The following ZBTB43 variants were observed in gnomAD, a reference collection of about 807,000 sequenced individuals.
ZBTB43 encodes the protein zinc finger and BTB domain-containing protein 43.
In ZBTB43, 6 loss-of-function variants were observed where a neutral mutation model predicts 31.1. The ratio of observed to expected loss-of-function variants is 0.19; its 90% CI spans 0.11 to 0.38. The LOEUF (loss-of-function observed/expected upper bound fraction) is 0.38, where lower values mean the gene tolerates loss of function less well. Ranked by LOEUF, ZBTB43 falls within the 10% of genes least tolerant of loss-of-function variation. The pLI is 1.00. For missense variants in ZBTB43, 379 were observed against 602.1 expected (o/e 0.63, Z 3.88); for synonymous variants, 212 against 221.7 (o/e 0.96, Z 0.39).
chr9:126,815,763 T>C lies in ZBTB43; in HGVS notation c.-24+6848T>C, dbSNP rs941242630. ...TAGAATTGTTTACCAGTTGTATAAA[T>C]CTTCTGTCATTTCTGGATCTGTTTC... On this transcript the variant is annotated intron_variant, in intron 2 of 2. Transcript: ENST00000373464. Among the ~76,000 whole-genome samples, 3 of 152,072 alleles carry C rather than the reference T, an allele frequency of 2.0e-5. No homozygotes were observed. In the South Asian group the frequency reaches 6.2e-4, roughly 32 times the overall value.
At chr9:126,820,322 T>C (rs2032482175) in intron 2 of ZBTB43, among the ~76,000 whole-genome samples, 1 of 152,172 alleles carries the variant, frequency 6.6e-6, no homozygotes, top group Non-Finnish European at 1.5e-5. Context: ...CTAATGCAGC[T>C]GGTAACTTTA....
At chr9:126,816,166 G>A (rs868417184) in intron 2 of ZBTB43, among the ~76,000 whole-genome samples, 3 of 152,092 alleles carry the variant, frequency 2.0e-5, no homozygotes, top group Middle Eastern at 6.8e-3. Context: ...GGACATTAAC[G>A]GGCTGTACAT....
chr9:126,818,435 G>A (rs1376679209), intron 2 of ZBTB43, among the ~76,000 whole-genome samples: 2 of 152,082 alleles, frequency 1.3e-5, no homozygotes, highest in East Asian at 1.9e-4. Flanking sequence ...TGTAGAGACA[G>A]GGTTTTACCA....
chr9:126,823,505 T>G (rs938658176), intron 2 of ZBTB43, among the ~76,000 whole-genome samples: 4 of 152,204 alleles, frequency 2.6e-5, no homozygotes, highest in African/African-American at 9.6e-5. Flanking sequence ...ATATCTAAAG[T>G]GAGTCTCATG....
At chr9:126,813,174 T>G (rs930347587) in intron 2 of ZBTB43, among the ~76,000 whole-genome samples, 1 of 152,016 alleles carries the variant, frequency 6.6e-6, no homozygotes, top group Non-Finnish European at 1.5e-5. Context: ...GAGACAGGGT[T>G]TCACCATGTT....
chr9:126,833,919 G>A lies in ZBTB43; in HGVS notation c.*6G>A. The A allele has an allele frequency of 1.3e-6, 2 of 1,567,240 alleles. No individual in the cohort carries two copies. Among genetic ancestry groups the A allele is most frequent in the Non-Finnish European group, 1.7e-6 (2 of 1,148,378 alleles). Reference sequence around the variant, plus strand: ...ATACAACTGAGGCTAACTAAAAATAGGATCTGGCCCTTGAGTGGCATGCAC... The same window carrying A: ...ATACAACTGAGGCTAACTAAAAATAAGATCTGGCCCTTGAGTGGCATGCAC... On this transcript the variant is annotated 3_prime_UTR_variant, in exon 3 of 3. Transcript: ENST00000373464. This position sits in a 1 kb window ranked among gnomAD's most constrained non-coding sequence, Gnocchi z 7.9.
chr9:126,828,648 A>ATTAGTATT, intron 2 of ZBTB43, among the ~76,000 whole-genome samples: 1 of 133,748 alleles, frequency 7.5e-6, no homozygotes, highest in African/African-American at 3.0e-5. Context: ...TAATAATAAT[A>ATTAGTATT]ATAATAATTA....
chr9:126,828,191 A>G (rs72762570), intron 2 of ZBTB43, among the ~76,000 whole-genome samples: 1 of 149,088 alleles, frequency 6.7e-6, no homozygotes. Context: ...TTATTTATTT[A>G]TTTTTTTTTT....
At chr9:126,805,945 C>G (rs1011844778) in intron 1 of ZBTB43, among the ~76,000 whole-genome samples, 18 of 152,360 alleles carry the variant, frequency 1.2e-4, no homozygotes, top group African/African-American at 4.3e-4. Flanking sequence ...GTGACACTCT[C>G]AGTGACTCGA....
In ZBTB43 at chr9:126,832,683, T is replaced by C. The variant is rs1291250632; in HGVS notation, c.174T>C (p.Phe58=). Residue 58 remains phenylalanine, a synonymous_variant, in exon 3 of 3, where the codon TTT becomes TTC. Coordinates refer to ENST00000373464, the MANE Select transcript of ZBTB43 (RefSeq NM_014007.4). The part of the protein sequence containing the change: ...KAVLAASSPY[F]CDQVLLKNSR... ...TTCTTGCTGCCAGTTCACCCTACTT[T>C]TGTGACCAGGTACTCCTGAAAAACA... 1.9e-6 allele frequency: 3 copies of C among 1,614,046 alleles called. No homozygotes were observed. In the African/African-American group the frequency reaches 4.0e-5, roughly 22 times the overall value.
intron 2 of ZBTB43, among the ~76,000 whole-genome samples, chr9:126,826,464 T>TTC (rs1274973654): frequency 1.9e-5 from 2 of 104,806 alleles, no homozygotes; most frequent in Non-Finnish European, 3.4e-5. Flanking sequence ...CTTTTTTTTT[T>TTC]TTTTTTTTTT....
Position 126,833,289 on chromosome 9 carries a change from G to A in ZBTB43, c.780G>A (p.Val260=). The A allele has an allele frequency of 1.9e-6, 3 of 1,613,436 alleles. No individual in the cohort carries two copies. The highest frequency in any genetic ancestry group is 2.5e-6 in the Non-Finnish European group (3 of 1,179,758). Residue 260 remains valine (V), a synonymous_variant, in exon 3 of 3, where the codon GTG becomes GTA. Coordinates refer to ENST00000373464, the MANE Select transcript of ZBTB43 (RefSeq NM_014007.4). The surrounding 1 kb of genome is among the most constrained non-coding windows in gnomAD (Gnocchi z 7.9). ...AACAGGCTTGCGAGGGCATGGATGTGCACGCGACCTACGACGAGCACCAGG... is the reference window on the plus strand; with the variant it reads ...AACAGGCTTGCGAGGGCATGGATGTACACGCGACCTACGACGAGCACCAGG... ...RLEQACEGMD[V]HATYDEHQVT...
At position 126,829,172 on chromosome 9, in the gene ZBTB43, G is replaced by A. The variant is rs186760715; in HGVS notation, c.-23-3315G>A. 1.1e-4 allele frequency among the ~76,000 whole-genome samples: 16 copies of A among 152,238 alleles called. 1 individual carries two copies. The highest frequency in any genetic ancestry group is 6.8e-3 in the Middle Eastern group (2 of 294). On this transcript the variant is annotated intron_variant, in intron 2 of 2. Transcript: ENST00000373464. ...ATCAGAAAATTTTTTAAAAACATTAGCCAGGCATGGTGGCATGCCTATAGA... is the reference window on the plus strand; with the variant it reads ...ATCAGAAAATTTTTTAAAAACATTAACCAGGCATGGTGGCATGCCTATAGA...
At chr9:126,817,100 C>CTTTTTTTTTTTTTTT (rs780632905) in intron 2 of ZBTB43, among the ~76,000 whole-genome samples, 1 of 55,320 alleles carries the variant, frequency 1.8e-5, no homozygotes, top group African/African-American at 7.1e-5. Flanking sequence ...TCCACTGTAT[C>CTTTTTTTTTTTTTTT]TTTTTTTTTT....
intron 1 of ZBTB43, among the ~76,000 whole-genome samples, chr9:126,807,780 C>T (rs980477638): frequency 1.3e-5 from 2 of 151,910 alleles, no homozygotes; most frequent in Admixed American, 6.6e-5. Flanking sequence ...GGATTACAGG[C>T]GCCTGCCACC....
chr9:126,808,620 T>A (rs980226117), intron 1 of ZBTB43, among the ~76,000 whole-genome samples, 173 bp from the exon 2 acceptor site: 2 of 152,200 alleles, frequency 1.3e-5, no homozygotes, highest in Non-Finnish European at 2.9e-5. Flanking sequence ...TTTGTTTTTT[T>A]AAAAAATACA....
At chr9:126,814,436 A>G (rs1216401128) in intron 2 of ZBTB43, among the ~76,000 whole-genome samples, 1 of 148,994 alleles carries the variant, frequency 6.7e-6, no homozygotes, top group African/African-American at 2.5e-5. Flanking sequence ...TTTTCATGTG[A>G]CTTTTTTTTT....
intron 2 of ZBTB43, among the ~76,000 whole-genome samples, chr9:126,810,088 G>A (rs2032210669): frequency 6.6e-6 from 1 of 152,168 alleles, no homozygotes; most frequent in African/African-American, 2.4e-5. Context: ...ACGGGCCTCA[G>A]CCTCCCAAAG....
Position 126,805,054 on chromosome 9 carries a change from A to C in ZBTB43, c.-225A>C, listed in dbSNP as rs971817939. ...AGGCACAGGCTGAATCTGTTGCGGC[A>C]GCTGAGGCTACAACAGGCCTGCGCC... On this transcript the variant is annotated 5_prime_UTR_variant, in exon 1 of 3. Coordinates refer to ENST00000373464, the MANE Select transcript of ZBTB43 (RefSeq NM_014007.4). 9 of 152,388 alleles carry C rather than the reference A, an allele frequency of 5.9e-5. No homozygotes were observed. The highest frequency in any genetic ancestry group is 2.2e-4 in the African/African-American group (9 of 41,486). 9.4% of individuals were successfully genotyped at this position (152,388 alleles called of 1,614,324 possible).
Sources: gnomAD v4.1 joint callset for allele counts (sites outside exome capture counted in the v4.1 genomes callset) on GRCh38, gnomAD v4.1.1 for gene constraint, Gnocchi (gnomAD v3.1) non-coding constraint, MANE v1.5 for transcripts, NCBI Gene and HGNC (gene_info 2026-07-23, HGNC 2026-07-21) for gene names.